Variants in TRAPPC9 observed in about 807,000 individuals in gnomAD.
TRAPPC9 encodes the protein trafficking protein particle complex subunit 9.
TRAPPC9 carries 83 observed loss-of-function variants against 124.0 expected under a neutral mutation model. That is an observed-to-expected ratio of 0.67 (90% confidence interval 0.56 to 0.80). TRAPPC9 has a LOEUF of 0.80. Ranked by LOEUF, TRAPPC9 falls within the 30% of genes least tolerant of loss-of-function variation. The pLI is 0.00. For synonymous variants in TRAPPC9, 638 were observed against 617.5 expected, an observed-to-expected ratio of 1.03 and a Z score of -0.49; for missense variants, 1,302 against 1,508.3, an observed-to-expected ratio of 0.86 and a Z score of 2.27.
At chr8:140,316,893 T>G (rs2066456798) in intron 9 of TRAPPC9, among the ~76,000 whole-genome samples, 1 of 152,234 alleles carries the variant, frequency 6.6e-6, no homozygotes. Flanking sequence ...TGATTCAATT[T>G]TCTTATTCGT....
chr8:139,835,754 A>C (rs575583124), intron 21 of TRAPPC9, among the ~76,000 whole-genome samples: 1 of 151,700 alleles, frequency 6.6e-6, no homozygotes, highest in South Asian at 2.1e-4. Context: ...ATGAGAGGGA[A>C]AGCTGAAGAT....
At position 140,084,045 on chromosome 8, in the gene TRAPPC9, G is replaced by A. The variant is rs73359168; in HGVS notation, c.2557-59966C>T. On this transcript the variant is annotated intron_variant, in intron 17 of 22. Transcript: ENST00000438773. ...ACTAGAGTGCAGTGGCTGTTCACAG[G>A]CACCATCATCCAAGTGACTGTTTTA... is the stretch of plus-strand genomic sequence containing the variant. 1.5e-3 allele frequency among the ~76,000 whole-genome samples: 225 copies of A among 152,254 alleles called. 3 individuals carry two copies. The highest frequency in any genetic ancestry group is 5.2e-3 in the African/African-American group (218 of 41,554).
At chr8:139,968,159 C>A (rs1366385918) in intron 19 of TRAPPC9, among the ~76,000 whole-genome samples, 12 of 144,282 alleles carry the variant, frequency 8.3e-5, no homozygotes, top group African/African-American at 2.2e-4. Flanking sequence ...AAAAAAAAAA[C>A]CAAAAAACAA....
At chr8:140,067,117 A>T (rs1361727968) in intron 17 of TRAPPC9, among the ~76,000 whole-genome samples, 1 of 152,094 alleles carries the variant, frequency 6.6e-6, no homozygotes, top group Non-Finnish European at 1.5e-5. Flanking sequence ...TGAAAGACCC[A>T]TTTCTTTCTA....
intron 17 of TRAPPC9, among the ~76,000 whole-genome samples, chr8:140,116,691 C>A (rs772208372): frequency 5.3e-5 from 8 of 152,100 alleles, no homozygotes; most frequent in Non-Finnish European, 1.0e-4. Context: ...TAACCCCAGG[C>A]GCTGCCCACG....
intron 17 of TRAPPC9, among the ~76,000 whole-genome samples, chr8:140,121,485 C>A (rs758057694): frequency 1.8e-4 from 27 of 152,164 alleles, no homozygotes; most frequent in Non-Finnish European, 2.9e-4. Context: ...GGCAGGAAGG[C>A]CAGGGCAGAA....
chr8:139,739,199 C>T (rs1268114500), intron 21 of TRAPPC9, among the ~76,000 whole-genome samples: 1 of 152,074 alleles, frequency 6.6e-6, no homozygotes, highest in African/African-American at 2.4e-5. Context: ...CCACCACCGG[C>T]AGCAGCTCAA....
At chr8:139,975,100 G>C (rs1169054115) in intron 19 of TRAPPC9, among the ~76,000 whole-genome samples, 6 of 152,106 alleles carry the variant, frequency 3.9e-5, no homozygotes, top group Non-Finnish European at 7.4e-5. Context: ...CGGTGATTAT[G>C]AGTGAACCTA....
intron 17 of TRAPPC9, among the ~76,000 whole-genome samples, chr8:140,169,739 T>A (rs1310410431): frequency 6.6e-6 from 1 of 152,164 alleles, no homozygotes; most frequent in Non-Finnish European, 1.5e-5. Flanking sequence ...TGCAGATTGG[T>A]GGTTTTCAGA....
chr8:140,412,855 A>G (rs1439556470), intron 5 of TRAPPC9, among the ~76,000 whole-genome samples: 1 of 151,906 alleles, frequency 6.6e-6, no homozygotes, highest in Non-Finnish European at 1.5e-5. Flanking sequence ...GCTAAAACAT[A>G]TACAACTGGG....
intron 17 of TRAPPC9, among the ~76,000 whole-genome samples, chr8:140,072,743 C>T (rs1464474925): frequency 6.6e-6 from 1 of 151,678 alleles, no homozygotes; most frequent in East Asian, 1.9e-4. Flanking sequence ...CATAGTGTCA[C>T]TATATGTACA....
At position 140,457,716 on chromosome 8, in the gene TRAPPC9, TC is replaced by T. The variant is rs550918109; in HGVS notation, c.-89del. 1,084 of 989,758 alleles carry T rather than the reference TC, an allele frequency of 1.1e-3. 2 individuals carry two copies. The highest frequency in any genetic ancestry group is 2.8e-3 in the South Asian group (61 of 22,006). 61.3% of individuals were successfully genotyped at this position (989,758 alleles called of 1,614,324 possible). A position where few individuals can be genotyped will look rare whatever the true frequency, so the allele number is the denominator to read the frequency against. ...GGGCCGAGCAGCCTCTGCGGCCACT[TC>T]CCAGGCTCTGGGCTGGCGCTTCCTA... On this transcript the variant is annotated 5_prime_UTR_variant, in exon 1 of 23. Transcript: ENST00000438773.
intron 11 of TRAPPC9, among the ~76,000 whole-genome samples, chr8:140,297,552 T>C (rs538383907): frequency 6.6e-6 from 1 of 152,310 alleles, no homozygotes; most frequent in East Asian, 1.9e-4. Context: ...TGACCCCATG[T>C]CTCTTTATTT....
intron 7 of TRAPPC9, among the ~76,000 whole-genome samples, chr8:140,388,146 T>C (rs2132329237): frequency 6.8e-6 from 1 of 148,116 alleles, no homozygotes; most frequent in Admixed American, 6.9e-5. Context: ...CACCGCATGT[T>C]CTCACTCATA....
chr8:140,300,519 T>C lies in TRAPPC9; in HGVS notation c.1718A>G (p.Tyr573Cys), dbSNP rs1224428579. The part of the protein sequence containing the change: ...QNVSTKSPFI[Y>C]SPIIAHNRGE... ...ACGGTTGTGTGCGATAATTGGTGAA[T>C]AGATGAAAGGACTTTTGGTTGACAC... Residue 573 changes from tyrosine (Y) to cysteine (C), a missense_variant, in exon 11 of 23, where the codon TAT becomes TGT. Transcript: ENST00000438773. 4 of 1,614,114 alleles carry C rather than the reference T, an allele frequency of 2.5e-6. No individual in the cohort carries two copies. Among genetic ancestry groups the C allele is most frequent in the African/African-American group, 1.3e-5 (1 of 74,940 alleles).
At chr8:139,895,978 C>T (rs1185174034) in intron 20 of TRAPPC9, among the ~76,000 whole-genome samples, 2 of 152,198 alleles carry the variant, frequency 1.3e-5, no homozygotes, top group Non-Finnish European at 2.9e-5. Context: ...AGCAAGTCCG[C>T]CTGTGAGTAA....
intron 17 of TRAPPC9, among the ~76,000 whole-genome samples, chr8:140,140,911 A>G (rs2061372951): frequency 1.3e-5 from 2 of 152,158 alleles, no homozygotes. Context: ...TCACTTCTCT[A>G]CTACTTTCCC....
intron 11 of TRAPPC9, among the ~76,000 whole-genome samples, chr8:140,298,905 T>C (rs2065886853): frequency 1.3e-5 from 2 of 152,244 alleles, no homozygotes; most frequent in South Asian, 4.1e-4. Context: ...AGACAGCAGC[T>C]GCACACAGCC....
At chr8:140,401,175 C>T (rs780441587) in intron 6 of TRAPPC9, among the ~76,000 whole-genome samples, 10 of 152,168 alleles carry the variant, frequency 6.6e-5, no homozygotes, top group Non-Finnish European at 1.3e-4. Context: ...TGCTAATGAA[C>T]ATGCAGTCTA....
Sources: allele counts gnomAD v4.1 joint callset (sites outside exome capture counted in the v4.1 genomes callset), GRCh38; gene constraint gnomAD v4.1.1; transcripts MANE v1.5; gene names NCBI Gene and HGNC (gene_info 2026-07-23, HGNC 2026-07-21).